The following DGLUCY variants were observed in gnomAD, a reference collection of about 807,000 sequenced individuals.
DGLUCY encodes D-glutamate cyclase, mitochondrial.
In DGLUCY, 58 loss-of-function variants were observed where a neutral mutation model predicts 58.5. That is an observed-to-expected ratio of 0.99 (90% CI 0.80 to 1.23). DGLUCY has a LOEUF of 1.23. Among genes scored for constraint, DGLUCY ranks in the 50% most tolerant of loss-of-function variants. The probability of loss-of-function intolerance (pLI) is 0.00; values close to 1 mark genes in which losing one functional copy is unlikely to be tolerated. For missense variants in DGLUCY, 779 were observed against 784.7 expected (o/e 0.99, Z 0.09); for synonymous variants, 325 against 314.1 (o/e 1.03, Z -0.37).
chr14:91,138,531 T>A (rs1566960788), intron 1 of DGLUCY, among the ~76,000 whole-genome samples: 1 of 152,024 alleles, frequency 6.6e-6, no homozygotes, highest in Non-Finnish European at 1.5e-5. Context: ...CGAGACTGGG[T>A]AACTTATAAA....
chr14:91,157,540 CTG>C (rs928436389), intron 1 of DGLUCY, 97 bp from the exon 2 acceptor site: 5 of 152,158 alleles, frequency 3.3e-5, no homozygotes, highest in African/African-American at 1.2e-4. Context: ...TCCTGGCACA[CTG>C]TGGGTCACCA....
rs551211948 is a variant in DGLUCY, at chr14:91,217,591, T to G, written c.1716+2035T>G. ...CCTCCACCCCCCAAGTTCAAGCAAC[T>G]CTCCTGCCTTAGCCTCTCGAGTAGC... On this transcript the variant is annotated intron_variant, in intron 13 of 13. Transcript: ENST00000256324. 1.7e-3 allele frequency among the ~76,000 whole-genome samples: 256 copies of G among 149,758 alleles called. 2 individuals carry two copies. The highest frequency in any genetic ancestry group is 6.0e-3 in the African/African-American group (244 of 40,812).
intron 1 of DGLUCY, among the ~76,000 whole-genome samples, chr14:91,156,385 AT>A (rs1231785607): frequency 6.6e-6 from 1 of 152,126 alleles, no homozygotes; most frequent in African/African-American, 2.4e-5. Context: ...AAGTGCCGGG[AT>A]TACAGCCATG....
At chr14:91,082,720 A>G (rs2044147872) in intron 1 of DGLUCY, among the ~76,000 whole-genome samples, 1 of 152,090 alleles carries the variant, frequency 6.6e-6, no homozygotes, top group South Asian at 2.1e-4. Context: ...GCCTTTGGTG[A>G]ATGTGTTAGA....
intron 13 of DGLUCY, among the ~76,000 whole-genome samples, chr14:91,216,959 A>C (rs1473437789): frequency 6.6e-6 from 1 of 152,220 alleles, no homozygotes; most frequent in Non-Finnish European, 1.5e-5. Flanking sequence ...TGGCAGCGGG[A>C]CTGGCCCTTC....
intron 12 of DGLUCY, among the ~76,000 whole-genome samples, chr14:91,207,337 T>TG (rs1050129174): frequency 1.2e-4 from 18 of 151,022 alleles, no homozygotes; most frequent in Admixed American, 4.0e-4. Flanking sequence ...GAAAAAGTGC[T>TG]GGGGGAAAAA....
intron 1 of DGLUCY, among the ~76,000 whole-genome samples, chr14:91,068,683 TAAAAC>T (rs1763251601): frequency 6.6e-6 from 1 of 151,984 alleles, no homozygotes; most frequent in African/African-American, 2.4e-5. Context: ...AAAAATAAAA[TAAAAC>T]AAAATAAAGA....
At chr14:91,112,678 A>G (rs144399111), upstream of DGLUCY, among the ~76,000 whole-genome samples, 2 of 152,174 alleles carry the variant, frequency 1.3e-5, no homozygotes, top group African/African-American at 4.8e-5. Context: ...TGATAACAAA[A>G]GAGAAAAAGA....
chr14:91,104,852 T>C (rs974215099), upstream of DGLUCY, among the ~76,000 whole-genome samples: 1 of 152,356 alleles, frequency 6.6e-6, no homozygotes, highest in South Asian at 2.1e-4. Flanking sequence ...AGCCACAATT[T>C]CTCCTTTGTG....
chr14:91,108,526 T>TGTGAGAGAGAGA (rs1265665234), intron 1 of DGLUCY, among the ~76,000 whole-genome samples: 32 of 52,178 alleles, frequency 6.1e-4, no homozygotes, highest in East Asian at 4.4e-3. Context: ...TGTGTGTGTG[T>TGTGAGAGAGAGA]GAGAGAGAGA....
intron 1 of DGLUCY, among the ~76,000 whole-genome samples, chr14:91,096,658 T>C (rs1298053070): frequency 2.0e-5 from 3 of 152,164 alleles, no homozygotes; most frequent in Non-Finnish European, 2.9e-5. Context: ...CTTAGGCCCA[T>C]GTTCAGCTGA....
chr14:91,199,984 T>C, intron 11 of DGLUCY, 79 bp downstream of exon 11: 1 of 1,565,542 alleles, frequency 6.4e-7, no homozygotes, highest in East Asian at 2.3e-5. Context: ...TTATGGAGTC[T>C]TGCTCTGTCA....
chr14:91,171,933 A>AT, intron 5 of DGLUCY, among the ~76,000 whole-genome samples: 1 of 152,252 alleles, frequency 6.6e-6, no homozygotes, highest in Non-Finnish European at 1.5e-5. Flanking sequence ...TCTGCCCGTG[A>AT]TTCACCAGAG....
intron 1 of DGLUCY, among the ~76,000 whole-genome samples, chr14:91,155,286 A>C (rs2047554888): frequency 1.3e-5 from 2 of 152,118 alleles, no homozygotes; most frequent in South Asian, 4.1e-4. Flanking sequence ...CAGAGTAATA[A>C]ACATGGGTAA....
intron 12 of DGLUCY, among the ~76,000 whole-genome samples, chr14:91,205,828 C>CGT: frequency 1.5e-5 from 2 of 131,006 alleles, no homozygotes; most frequent in African/African-American, 6.1e-5. Flanking sequence ...CCTCCTCCTC[C>CGT]CTTTCTTCTT....
upstream of DGLUCY, among the ~76,000 whole-genome samples, chr14:91,104,067 T>TTTTTTTTTCTTC (rs1301874036): frequency 7.7e-6 from 1 of 129,454 alleles, no homozygotes; most frequent in Non-Finnish European, 1.6e-5. Flanking sequence ...CATTCTTTTT[T>TTTTTTTTTCTTC]TTTTTTTTTT....
At chr14:91,106,557 A>C (rs1345050109), upstream of DGLUCY, among the ~76,000 whole-genome samples, 1 of 151,562 alleles carries the variant, frequency 6.6e-6, no homozygotes, top group African/African-American at 2.4e-5. Context: ...AAATACAAAA[A>C]TTAGCCAGGC....
At chr14:91,074,309 AAAAATAT>A (rs1221260815) in intron 1 of DGLUCY, among the ~76,000 whole-genome samples, 2 of 141,514 alleles carry the variant, frequency 1.4e-5, no homozygotes, top group Admixed American at 7.2e-5. Flanking sequence ...AAAAAAAAAA[AAAAATAT>A]ATATATATAT....
chr14:91,121,496 C>T (rs2045356017), intron 1 of DGLUCY, among the ~76,000 whole-genome samples: 1 of 152,054 alleles, frequency 6.6e-6, no homozygotes, highest in African/African-American at 2.4e-5. Context: ...CGAGACCAGC[C>T]TGGCCAACAT....
Sources: allele counts gnomAD v4.1 joint callset (sites outside exome capture counted in the v4.1 genomes callset), GRCh38; gene constraint gnomAD v4.1.1; transcripts MANE v1.5; gene names NCBI Gene and HGNC (gene_info 2026-07-23, HGNC 2026-07-21).